OPRM1: variants seen among roughly 807,000 people sequenced by gnomAD.
OPRM1 encodes opioid receptor mu 1.
Under a neutral mutation model 31.8 loss-of-function variants are expected in OPRM1, and 27 were observed. The observed-to-expected ratio is 0.85, with a 90% CI of 0.63 to 1.17. The LOEUF (loss-of-function observed/expected upper bound fraction) is 1.17, where lower values mean the gene tolerates loss of function less well. Among genes scored for constraint, OPRM1 ranks in the 50% most tolerant of loss-of-function variants. The probability of loss-of-function intolerance (pLI) is 0.00; values close to 1 mark genes in which losing one functional copy is unlikely to be tolerated. For synonymous variants in OPRM1, 196 were observed against 189.9 expected, an observed-to-expected ratio of 1.03 and a Z score of -0.26; for missense variants, 536 against 511.1, an observed-to-expected ratio of 1.05 and a Z score of -0.47.
intron 3 of OPRM1, among the ~76,000 whole-genome samples, chr6:154,233,532 C>T (rs1779883761): frequency 6.9e-6 from 1 of 145,916 alleles, no homozygotes; most frequent in South Asian, 2.1e-4. Context: ...TCTACATAGA[C>T]AACATTTGGT....
At chr6:154,227,723 A>T (rs574493797) in intron 3 of OPRM1, among the ~76,000 whole-genome samples, 14 of 152,192 alleles carry the variant, frequency 9.2e-5, no homozygotes, top group Non-Finnish European at 1.6e-4. Context: ...TCTCAAAAAA[A>T]AATTAATTAA....
chr6:154,243,423 T>G (rs1429838038), intron 3 of OPRM1, among the ~76,000 whole-genome samples: 2 of 152,158 alleles, frequency 1.3e-5, no homozygotes, highest in Non-Finnish European at 2.9e-5. Flanking sequence ...CTCAATGAAT[T>G]CTAGGTAGTA....
intron 3 of OPRM1, among the ~76,000 whole-genome samples, chr6:154,203,000 G>T (rs1001245223): frequency 7.2e-5 from 11 of 152,168 alleles, no homozygotes; most frequent in African/African-American, 2.4e-4. Context: ...AGTGAACCTG[G>T]AGTTTAATTT....
intron 3 of OPRM1, among the ~76,000 whole-genome samples, chr6:154,150,528 CTT>C (rs1798472034): frequency 6.6e-6 from 1 of 152,208 alleles, no homozygotes; most frequent in Non-Finnish European, 1.5e-5. Flanking sequence ...CAGGCATTGT[CTT>C]ATAAGGTCCC....
chr6:154,019,747 C>CTTTTCTTTTCT (rs61209522), intron 1 of OPRM1, among the ~76,000 whole-genome samples: 30 of 121,992 alleles, frequency 2.5e-4, no homozygotes, highest in African/African-American at 9.5e-4. Context: ...CTTTTCTTTT[C>CTTTTCTTTTCT]TTTTTTTTTT....
chr6:154,040,320 G>A (rs1779799897), intron 1 of OPRM1, among the ~76,000 whole-genome samples: 1 of 152,060 alleles, frequency 6.6e-6, no homozygotes, highest in African/African-American at 2.4e-5. Context: ...CAATTGTTTT[G>A]AGATGGACCT....
At chr6:154,188,068 A>G (rs117663014) in intron 3 of OPRM1, among the ~76,000 whole-genome samples, 74 of 152,336 alleles carry the variant, frequency 4.9e-4, no homozygotes, top group Admixed American at 1.5e-3. Flanking sequence ...GAAAGGAAAA[A>G]AGCAAAACCA....
chr6:154,106,448 C>G (rs1233047066), intron 3 of OPRM1, among the ~76,000 whole-genome samples: 1 of 152,206 alleles, frequency 6.6e-6, no homozygotes, highest in Non-Finnish European at 1.5e-5. Flanking sequence ...TGTCCCCAGA[C>G]CTTACCTAGC....
chr6:154,040,620 T>G (rs1779864329), intron 1 of OPRM1, among the ~76,000 whole-genome samples: 2 of 152,170 alleles, frequency 1.3e-5, no homozygotes, highest in Non-Finnish European at 2.9e-5. Context: ...ATGGCTGTAT[T>G]TCATTGCCTT....
Position 154,127,692 on chromosome 6 carries a change from T to C in OPRM1, c.*8971T>C, listed in dbSNP as rs1797672580. On this transcript the variant is annotated 3_prime_UTR_variant, in exon 4 of 4. Coordinates refer to ENST00000330432, the MANE Select transcript of OPRM1 (RefSeq NM_000914.5). Reference sequence around the variant, plus strand: ...TGACTTAGAGCCAGTCAGAATTCAATCTCCAATATCCTGACTAGCACAAGA... The same window carrying C: ...TGACTTAGAGCCAGTCAGAATTCAACCTCCAATATCCTGACTAGCACAAGA... 6.6e-6 allele frequency among the ~76,000 whole-genome samples: 1 copy of C among 152,150 alleles called. No homozygotes were observed. The highest frequency in any genetic ancestry group is 1.5e-5 in the Non-Finnish European group (1 of 68,048).
At chr6:154,069,156 T>C (rs1369973496) in intron 1 of OPRM1, among the ~76,000 whole-genome samples, 1 of 152,236 alleles carries the variant, frequency 6.6e-6, no homozygotes. Flanking sequence ...TTGAATGTTG[T>C]CTTTTCACTC....
chr6:154,032,444 A>G (rs536244722), intron 1 of OPRM1, among the ~76,000 whole-genome samples: 1 of 152,244 alleles, frequency 6.6e-6, no homozygotes, highest in South Asian at 2.1e-4. Context: ...TTCTTTTAAA[A>G]TTGTTTTTAG....
chr6:154,153,771 A>C (rs1297012064), intron 3 of OPRM1, among the ~76,000 whole-genome samples: 1 of 151,964 alleles, frequency 6.6e-6, no homozygotes, highest in Non-Finnish European at 1.5e-5. Flanking sequence ...CTGGAGGAAG[A>C]AGCTCAGAGA....
chr6:154,243,468 G>T (rs1014677453), intron 3 of OPRM1, among the ~76,000 whole-genome samples: 8 of 152,242 alleles, frequency 5.3e-5, no homozygotes, highest in African/African-American at 1.9e-4. Context: ...GAAAGAAAAA[G>T]GTAGACTATG....
chr6:154,206,522 C>A (rs1330726839), intron 3 of OPRM1, among the ~76,000 whole-genome samples: 1 of 152,168 alleles, frequency 6.6e-6, no homozygotes, highest in Admixed American at 6.5e-5. Flanking sequence ...TGGGCACTGG[C>A]TCTGACTTTA....
chr6:154,030,134 A>AG (rs1253227701), intron 1 of OPRM1, among the ~76,000 whole-genome samples: 1 of 143,994 alleles, frequency 6.9e-6, no homozygotes, highest in East Asian at 1.9e-4. Context: ...AATTCTATTC[A>AG]GGTCTGTTTC....
chr6:154,214,219 T>C (rs1024318655), intron 3 of OPRM1: 2 of 1,596,182 alleles, frequency 1.3e-6, no homozygotes, highest in East Asian at 4.5e-5. Context: ...AGAACATACC[T>C]TCATCCTTTG....
In OPRM1 at chr6:154,168,417, C is replaced by T. The variant is rs1207144068; in HGVS notation, c.1164+76945C>T. Among the ~76,000 whole-genome samples the T allele has an allele frequency of 3.3e-5, 5 of 152,046 alleles. No individual in the cohort carries two copies. The highest frequency in any genetic ancestry group is 4.8e-5 in the African/African-American group (2 of 41,390). On this transcript the variant is annotated intron_variant, in intron 3 of 3. Coordinates refer to the OPRM1 transcript ENST00000337049. This position sits in a 1 kb window ranked among gnomAD's most constrained non-coding sequence, Gnocchi z 4.1. ...CAATATTCACATGGGGTGTTCCCTG[C>T]ATGCATGTCTCTGTGTCCAAACTCC...
chr6:154,221,109 A>G (rs372586033), intron 3 of OPRM1: 1 of 602,660 alleles, frequency 1.7e-6, no homozygotes. Flanking sequence ...AGAAAGCACG[A>G]AGGCATTGTA....
Sources: gnomAD v4.1 joint callset for allele counts (sites outside exome capture counted in the v4.1 genomes callset) on GRCh38, gnomAD v4.1.1 for gene constraint, Gnocchi (gnomAD v3.1) non-coding constraint, MANE v1.5 for transcripts, NCBI Gene and HGNC (gene_info 2026-07-23, HGNC 2026-07-21) for gene names.